CABIN1: variants seen among roughly 807,000 people sequenced by gnomAD.
CABIN1 encodes calcineurin-binding protein cabin-1.
In CABIN1, 133 loss-of-function variants were observed where a neutral mutation model predicts 227.7. The observed-to-expected ratio is 0.58, with a 90% confidence interval of 0.51 to 0.67. CABIN1 has a LOEUF of 0.67. CABIN1 is among the 30% of genes least tolerant of loss of function. The pLI is 0.00. For missense variants in CABIN1, 2,408 were observed against 2,852.5 expected (o/e 0.84, Z 3.55); for synonymous variants, 1,086 against 1,155.1 (o/e 0.94, Z 1.21).
At chr22:24,027,881 C>T (rs1240163429) in intron 1 of CABIN1, among the ~76,000 whole-genome samples, 1 of 151,918 alleles carries the variant, frequency 6.6e-6, no homozygotes, top group African/African-American at 2.4e-5. Flanking sequence ...GTTATAGCAG[C>T]ACCAAATTGA....
At chr22:24,106,530 A>G (rs2042528353) in intron 26 of CABIN1, among the ~76,000 whole-genome samples, 1 of 152,178 alleles carries the variant, frequency 6.6e-6, no homozygotes, top group Non-Finnish European at 1.5e-5. Flanking sequence ...TTTTCCCAGC[A>G]CTGTGGCACA....
intron 19 of CABIN1, among the ~76,000 whole-genome samples, chr22:24,079,676 C>G (rs1330850931): frequency 6.6e-6 from 1 of 152,082 alleles, no homozygotes; most frequent in Non-Finnish European, 1.5e-5. Context: ...TCTTTTTATG[C>G]CTGTTTACCC....
intron 29 of CABIN1, chr22:24,156,068 A>G: frequency 2.4e-6 from 1 of 425,130 alleles, no homozygotes; most frequent in South Asian, 5.6e-5. Flanking sequence ...GCCACGGCGG[A>G]GCCGGCGGGT....
intron 26 of CABIN1, among the ~76,000 whole-genome samples, chr22:24,111,945 CT>C (rs545317904): frequency 4.6e-5 from 7 of 152,128 alleles, no homozygotes; most frequent in African/African-American, 7.2e-5. Context: ...TTGACTCTTG[CT>C]TTTTTTTATC....
At chr22:24,099,270 A>C (rs1324323276) in intron 26 of CABIN1, among the ~76,000 whole-genome samples, 1 of 152,178 alleles carries the variant, frequency 6.6e-6, no homozygotes. Context: ...GGTTTAAAGA[A>C]GTGCTGGAGA....
rs566790232 is a variant in CABIN1, at chr22:24,056,705, T to C, written c.1262+345T>C. On this transcript the variant is annotated intron_variant, in intron 10 of 36. Coordinates refer to ENST00000263119, the MANE Select transcript of CABIN1 (RefSeq NM_012295.4). Reference sequence around the variant, plus strand: ...GGGTGCAGATGCCCTGAAAACCCCATGGAAGGGAGCTTCCCTCCTGCTTTC... The same window carrying C: ...GGGTGCAGATGCCCTGAAAACCCCACGGAAGGGAGCTTCCCTCCTGCTTTC... Among the ~76,000 whole-genome samples the C allele has an allele frequency of 2.0e-5, 3 of 152,342 alleles. No individual in the cohort carries two copies. In the East Asian group the frequency reaches 5.8e-4, roughly 29 times the overall value.
chr22:24,178,323 C>A lies in CABIN1; in HGVS notation c.*127C>A. On this transcript the variant is annotated 3_prime_UTR_variant, in exon 37 of 37. Coordinates refer to ENST00000263119, the MANE Select transcript of CABIN1 (RefSeq NM_012295.4). Reference sequence around the variant, plus strand: ...ACTCCCCACACAGCCCCCAGGCCTGCCCAGCCCACCTCCTCATGGCATCCT... The same window carrying A: ...ACTCCCCACACAGCCCCCAGGCCTGACCAGCCCACCTCCTCATGGCATCCT... The A allele has an allele frequency of 1.7e-6, 2 of 1,162,624 alleles. No individual in the cohort carries two copies. The highest frequency in any genetic ancestry group is 1.4e-5 in the South Asian group (1 of 71,536). 72.0% of individuals were successfully genotyped at this position (1,162,624 alleles called of 1,614,324 possible). A position where few individuals can be genotyped will look rare whatever the true frequency, so the allele number is the denominator to read the frequency against.
intron 29 of CABIN1, among the ~76,000 whole-genome samples, chr22:24,136,737 A>ACG (rs1555977738): frequency 1.9e-4 from 26 of 140,410 alleles, no homozygotes; most frequent in South Asian, 2.3e-4. Context: ...ACACACACAC[A>ACG]CGCACACACA....
At chr22:24,143,694 C>T (rs1401999179) in intron 29 of CABIN1, among the ~76,000 whole-genome samples, 1 of 152,046 alleles carries the variant, frequency 6.6e-6, no homozygotes, top group Admixed American at 6.5e-5. Flanking sequence ...GGGGCTTGAT[C>T]GGGGGGTGCC....
At chr22:24,138,144 A>G (rs1206251139) in intron 29 of CABIN1, among the ~76,000 whole-genome samples, 1 of 152,136 alleles carries the variant, frequency 6.6e-6, no homozygotes, top group African/African-American at 2.4e-5. Context: ...GTTATTTTTT[A>G]ATGATAATTT....
rs143175925 is a variant in CABIN1 at position 24,151,187 on chromosome 22, C to T, written c.4747-13213C>T. ...CCCATGCTACCAGAGTGCCTGTTCCCGCTACCTGTTCAGCTTGGCCCCCTC... is the reference window on the plus strand; with the variant it reads ...CCCATGCTACCAGAGTGCCTGTTCCTGCTACCTGTTCAGCTTGGCCCCCTC... On this transcript the variant is annotated intron_variant, in intron 29 of 36. Coordinates refer to ENST00000263119, the MANE Select transcript of CABIN1 (RefSeq NM_012295.4). Among the ~76,000 whole-genome samples, 22 of 152,212 alleles carry T rather than the reference C, an allele frequency of 1.4e-4. 1 individual carries two copies. The East Asian group carries it at 2.1e-3, about 15-fold the overall frequency.
chr22:24,018,997 T>G (rs1184899010), intron 1 of CABIN1, among the ~76,000 whole-genome samples: 1 of 152,116 alleles, frequency 6.6e-6, no homozygotes, highest in Non-Finnish European at 1.5e-5. Flanking sequence ...AAGTATTTAA[T>G]GATCTTGTTG....
Position 24,084,614 on chromosome 22 carries a change from T to A in CABIN1, c.2946T>A (p.Phe982Leu), listed in dbSNP as rs2041027189. The A allele has an allele frequency of 6.2e-7, 1 of 1,613,988 alleles. No individual in the cohort carries two copies. Among genetic ancestry groups the A allele is most frequent in the Non-Finnish European group, 8.5e-7 (1 of 1,179,992 alleles). The change falls in exon 21 of 37, where the codon TTT (phenylalanine) becomes TTA (leucine). Residue 982 changes from phenylalanine to leucine, a missense_variant. Transcript: ENST00000263119. The stretch of plus-strand genomic sequence containing the variant: ...TATGGGAGGATGCACTGTTCATGTT[T>A]GAGTATTTTAAGCCCAAGACCCTTC... ...DLIWEDALFM[F>L]EYFKPKTLPE...
At chr22:24,018,211 G>A (rs1435312888) in intron 1 of CABIN1, among the ~76,000 whole-genome samples, 1 of 151,866 alleles carries the variant, frequency 6.6e-6, no homozygotes, top group Non-Finnish European at 1.5e-5. Flanking sequence ...CCTTGTCAGT[G>A]GTATATGTTG....
chr22:24,091,167 G>T (rs1189263675), intron 23 of CABIN1, among the ~76,000 whole-genome samples: 1 of 152,208 alleles, frequency 6.6e-6, no homozygotes, highest in African/African-American at 2.4e-5. Flanking sequence ...TACCCCAGGG[G>T]TACACACCCT....
At chr22:24,088,675 T>C (rs1015015795) in intron 23 of CABIN1, among the ~76,000 whole-genome samples, 1 of 152,114 alleles carries the variant, frequency 6.6e-6, no homozygotes, top group Non-Finnish European at 1.5e-5. Flanking sequence ...CAGTATACAA[T>C]ATTAAGGGCA....
chr22:24,041,420 G>A (rs2037363846), intron 5 of CABIN1, 147 bp downstream of exon 5: 1 of 1,021,188 alleles, frequency 9.8e-7, no homozygotes, highest in African/African-American at 1.6e-5. Context: ...TAGGTCCATA[G>A]GTGATAACAA....
chr22:24,056,476 C>T, intron 10 of CABIN1, 116 bp downstream of exon 10: 1 of 1,057,508 alleles, frequency 9.5e-7, no homozygotes, highest in Non-Finnish European at 1.4e-6. Context: ...CTCTGTGTTC[C>T]CATAACATCT....
chr22:24,144,659 C>T (rs1275156222), intron 29 of CABIN1, among the ~76,000 whole-genome samples: 2 of 152,254 alleles, frequency 1.3e-5, no homozygotes, highest in African/African-American at 2.4e-5. Context: ...CATTTGACTT[C>T]CCTCTTTGGG....
Sources: allele counts gnomAD v4.1 joint callset (sites outside exome capture counted in the v4.1 genomes callset), GRCh38; gene constraint gnomAD v4.1.1; transcripts MANE v1.5; gene names NCBI Gene and HGNC (gene_info 2026-07-23, HGNC 2026-07-21).